Variants in SPAG17 observed in about 807,000 individuals in gnomAD.
SPAG17 encodes the protein sperm-associated antigen 17.
In SPAG17, 169 loss-of-function variants were observed where a neutral mutation model predicts 273.6. That is an observed-to-expected ratio of 0.62 (90% CI 0.55 to 0.70). The LOEUF is 0.70. Ranked by LOEUF, SPAG17 falls within the 30% of genes least tolerant of loss-of-function variation. The pLI is 0.00. For missense variants in SPAG17, 2,557 were observed against 2,627.8 expected (o/e 0.97, Z 0.59); for synonymous variants, 825 against 873.2 (o/e 0.94, Z 0.97).
chr1:118,174,555 A>T (rs533312068), intron 1 of SPAG17, among the ~76,000 whole-genome samples: 52 of 152,340 alleles, frequency 3.4e-4, no homozygotes, highest in African/African-American at 1.2e-3. Flanking sequence ...AGAGGTAGAG[A>T]GATTACTTTT....
intron 1 of SPAG17, among the ~76,000 whole-genome samples, chr1:118,163,680 C>T (rs1660035224): frequency 6.6e-6 from 1 of 151,760 alleles, no homozygotes; most frequent in African/African-American, 2.4e-5. Context: ...ACATGGCCAT[C>T]TTCACCTAAG....
chr1:118,037,645 TC>T (rs1280148588), intron 23 of SPAG17, among the ~76,000 whole-genome samples: 2 of 152,328 alleles, frequency 1.3e-5, no homozygotes, highest in African/African-American at 4.8e-5. Flanking sequence ...GATAATGGCC[TC>T]CGCTGCATCC....
chr1:118,095,449 T>C (rs1165382956), intron 7 of SPAG17, among the ~76,000 whole-genome samples: 1 of 152,226 alleles, frequency 6.6e-6, no homozygotes, highest in Non-Finnish European at 1.5e-5. Context: ...GAATGAATTA[T>C]GGTTCAGGGA....
chr1:118,143,086 G>A (rs188709553), intron 3 of SPAG17, among the ~76,000 whole-genome samples: 7 of 152,242 alleles, frequency 4.6e-5, no homozygotes, highest in African/African-American at 1.4e-4. Context: ...GCCACTCATC[G>A]AAGTGGCTTA....
chr1:118,006,334 A>T (rs1658878283), intron 31 of SPAG17, among the ~76,000 whole-genome samples: 1 of 152,178 alleles, frequency 6.6e-6, no homozygotes, highest in Non-Finnish European at 1.5e-5. Context: ...ACTTCATTTA[A>T]ATGGAAGCAT....
Position 117,972,094 on chromosome 1 carries a change from C to T in SPAG17, c.6142-47G>A, listed in dbSNP as rs756925809. 6.1e-6 allele frequency: 9 copies of T among 1,474,426 alleles called. No homozygotes were observed. In the East Asian group the frequency reaches 2.1e-4, roughly 35 times the overall value. The allele number at this position is 1,474,426 out of a possible 1,614,324, so 91.3% of individuals were successfully genotyped here. ...ATAAAATGGTTCTATTTTGAGTTCC[C>T]AAGATTAAAAAAAAAAAAGTCCCTG... On this transcript the variant is annotated intron_variant, in intron 44 of 48. Transcript: ENST00000336338.
chr1:117,959,545 A>C, intron 48 of SPAG17: 1 of 1,286,792 alleles, frequency 7.8e-7, no homozygotes, highest in Non-Finnish European at 1.0e-6. Context: ...AATACCAAAT[A>C]ACAGAAGATC....
intron 4 of SPAG17, among the ~76,000 whole-genome samples, chr1:118,111,553 A>AACACACACACACAC (rs61266210): frequency 0.049 from 6,678 of 135,816 alleles, 282 homozygotes; most frequent in African/African-American, 0.095. Context: ...CTTTTAAAAC[A>AACACACACACACAC]ACACACACAC....
intron 48 of SPAG17, chr1:117,962,675 T>C (rs1653264706): frequency 6.6e-6 from 1 of 152,240 alleles, no homozygotes; most frequent in Non-Finnish European, 1.5e-5. Context: ...GGCTGGAAGC[T>C]AGGTGCTTTG....
Position 118,103,560 on chromosome 1 carries a change from T to G in SPAG17, c.448-1634A>C, listed in dbSNP as rs200438557. Among the ~76,000 whole-genome samples, 33 of 152,186 alleles carry G rather than the reference T, an allele frequency of 2.2e-4. No individual in the cohort carries two copies. The East Asian group carries it at 6.4e-3, about 30-fold the overall frequency. ...AAGAGTGAAAGGGTCCTAGCATTTC[T>G]CTCTGCACCAGGTATAAATTGGTGC... On this transcript the variant is annotated intron_variant, in intron 4 of 48. Coordinates refer to ENST00000336338, the MANE Select transcript of SPAG17 (RefSeq NM_206996.4).
chr1:117,987,104 C>T (rs1656504643), intron 40 of SPAG17, among the ~76,000 whole-genome samples: 1 of 152,164 alleles, frequency 6.6e-6, no homozygotes, highest in African/African-American at 2.4e-5. Context: ...TCAAACCTAG[C>T]ATAAAGACAC....
intron 32 of SPAG17, among the ~76,000 whole-genome samples, chr1:118,001,455 T>G (rs1658276357): frequency 6.6e-6 from 1 of 152,138 alleles, no homozygotes; most frequent in South Asian, 2.1e-4. Flanking sequence ...GGTCCTGGAC[T>G]TTTTTTGGCT....
At chr1:118,037,187 A>G (rs1315789898) in intron 23 of SPAG17, among the ~76,000 whole-genome samples, 1 of 152,216 alleles carries the variant, frequency 6.6e-6, no homozygotes, top group Non-Finnish European at 1.5e-5. Context: ...TTTTAAAATT[A>G]AAACCATCAG....
chr1:118,183,346 G>A (rs1661033948), intron 1 of SPAG17, among the ~76,000 whole-genome samples: 2 of 152,126 alleles, frequency 1.3e-5, no homozygotes. Context: ...CGTTTCATTG[G>A]TGGTTAGGGC....
chr1:118,023,171 T>C (rs1647304219), intron 28 of SPAG17, 133 bp downstream of exon 28: 2 of 534,430 alleles, frequency 3.7e-6, no homozygotes, highest in Non-Finnish European at 6.0e-6. Context: ...TTTATATGTA[T>C]GTATGTATAA....
chr1:118,147,667 T>C (rs779476997), intron 3 of SPAG17, among the ~76,000 whole-genome samples: 59 of 152,220 alleles, frequency 3.9e-4, no homozygotes, highest in Admixed American at 1.9e-3. Flanking sequence ...TACAATGCCA[T>C]GGCTAGATGA....
At chr1:118,040,113 C>T (rs879295379) in intron 22 of SPAG17, among the ~76,000 whole-genome samples, 21 of 152,200 alleles carry the variant, frequency 1.4e-4, no homozygotes, top group Middle Eastern at 6.8e-3. Flanking sequence ...TTTCCAACAA[C>T]GCATTCTCTT....
chr1:117,991,268 T>C (rs1035157065), intron 37 of SPAG17, 147 bp downstream of exon 37: 1 of 507,404 alleles, frequency 2.0e-6, no homozygotes, highest in South Asian at 3.8e-5. Context: ...TATAGACAAA[T>C]GGATTTCCAC....
intron 1 of SPAG17, among the ~76,000 whole-genome samples, chr1:118,177,654 TAAAC>T (rs1317876898): frequency 7.2e-5 from 11 of 152,072 alleles, no homozygotes; most frequent in African/African-American, 2.2e-4. Flanking sequence ...TTTGAAAAGA[TAAAC>T]AAATTGTCAA....
Sources: gnomAD v4.1 joint callset for allele counts (sites outside exome capture counted in the v4.1 genomes callset) on GRCh38, gnomAD v4.1.1 for gene constraint, MANE v1.5 for transcripts, NCBI Gene and HGNC (gene_info 2026-07-23, HGNC 2026-07-21) for gene names.